The following KCTD8 variants were observed in gnomAD, a reference collection of about 807,000 sequenced individuals.
The protein encoded by KCTD8 is potassium channel tetramerization domain containing 8.
A neutral mutation model predicts 31.5 loss-of-function variants in KCTD8; 27 were observed. The ratio of observed to expected loss-of-function variants is 0.86; its 90% CI spans 0.63 to 1.18. The LOEUF (loss-of-function observed/expected upper bound fraction) is 1.18. Ranked by LOEUF, KCTD8 falls within the 50% of genes most tolerant of loss-of-function variation. The pLI, the probability that KCTD8 is intolerant of heterozygous loss-of-function variation, is 0.00. For missense variants in KCTD8, 658 were observed against 647.7 expected, an observed-to-expected ratio of 1.02 and a Z score of -0.17; for synonymous variants, 290 against 280.0, an observed-to-expected ratio of 1.04 and a Z score of -0.36.
chr4:44,434,350 A>T (rs1188900543), intron 1 of KCTD8, among the ~76,000 whole-genome samples: 1 of 151,910 alleles, frequency 6.6e-6, no homozygotes, highest in Non-Finnish European at 1.5e-5. Context: ...TATGCGTCAT[A>T]TCATTTAATC....
In KCTD8 at chr4:44,178,586, T is replaced by G. The variant is rs536525278; in HGVS notation, c.962-3336A>C. 2.6e-5 allele frequency among the ~76,000 whole-genome samples: 4 copies of G among 152,234 alleles called. No individual in the cohort carries two copies. The South Asian group carries it at 8.3e-4, about 32-fold the overall frequency. ...TGACTAAAGGATTAAACTGCAAATA[T>G]CTAAGCAAAGCAACTTACATTAAGG... On this transcript the variant is annotated intron_variant, in intron 1 of 1. Coordinates refer to ENST00000360029, the MANE Select transcript of KCTD8 (RefSeq NM_198353.3).
At chr4:44,264,546 G>A (rs1716279085) in intron 1 of KCTD8, among the ~76,000 whole-genome samples, 1 of 152,158 alleles carries the variant, frequency 6.6e-6, no homozygotes, top group Non-Finnish European at 1.5e-5. Context: ...AGGACAGCGG[G>A]TGCAGTGCAC....
intron 1 of KCTD8, among the ~76,000 whole-genome samples, chr4:44,216,460 C>G (rs1714655047): frequency 6.6e-6 from 1 of 151,862 alleles, no homozygotes; most frequent in Non-Finnish European, 1.5e-5. Context: ...AATCCAATAC[C>G]CTAACCTGAT....
At position 44,187,958 on chromosome 4, in the gene KCTD8, A is replaced by AACACACAC. The variant is rs143071896; in HGVS notation, c.962-12716_962-12709dup. Among the ~76,000 whole-genome samples, 1,057 of 144,648 alleles carry AACACACAC rather than the reference A, an allele frequency of 7.3e-3. 13 individuals are homozygous for AACACACAC. The highest frequency in any genetic ancestry group is 0.026 in the African/African-American group (1,019 of 39,372). 94.9% of individuals were successfully genotyped at this position (144,648 alleles called of 152,430 possible). ...GGAAGCAGAGGTTGTGGAAGAGGTA[A>AACACACAC]ACACACACACACACACACACACACA... On this transcript the variant is annotated intron_variant, in intron 1 of 1. Coordinates refer to ENST00000360029, the MANE Select transcript of KCTD8 (RefSeq NM_198353.3).
intron 1 of KCTD8, among the ~76,000 whole-genome samples, chr4:44,236,187 C>A (rs939484960): frequency 2.0e-5 from 3 of 152,188 alleles, no homozygotes; most frequent in Admixed American, 6.5e-5. Flanking sequence ...GGAAGAAATA[C>A]CCTCACCTCA....
intron 1 of KCTD8, among the ~76,000 whole-genome samples, chr4:44,215,635 G>A (rs1156483968): frequency 6.6e-6 from 1 of 152,120 alleles, no homozygotes; most frequent in African/African-American, 2.4e-5. Context: ...AAACTGCATG[G>A]AATTGATCAT....
At chr4:44,215,987 A>G (rs1392642482) in intron 1 of KCTD8, among the ~76,000 whole-genome samples, 1 of 152,220 alleles carries the variant, frequency 6.6e-6, no homozygotes, top group Non-Finnish European at 1.5e-5. Flanking sequence ...CACTGAAACC[A>G]AAAGGCACTT....
At chr4:44,301,228 A>G (rs1717610108) in intron 1 of KCTD8, among the ~76,000 whole-genome samples, 1 of 152,160 alleles carries the variant, frequency 6.6e-6, no homozygotes, top group South Asian at 2.1e-4. Context: ...TTGGGTATAT[A>G]CCCAGTAATG....
chr4:44,256,497 A>T (rs1311501545), intron 1 of KCTD8, among the ~76,000 whole-genome samples: 1 of 152,000 alleles, frequency 6.6e-6, no homozygotes, highest in Non-Finnish European at 1.5e-5. Flanking sequence ...TGTTTAAATT[A>T]TTCCACCAGT....
At chr4:44,219,617 C>T (rs901138528) in intron 1 of KCTD8, among the ~76,000 whole-genome samples, 3 of 152,024 alleles carry the variant, frequency 2.0e-5, no homozygotes, top group Non-Finnish European at 4.4e-5. Flanking sequence ...ATGATTCTAC[C>T]CTTAGTTGTA....
intron 1 of KCTD8, among the ~76,000 whole-genome samples, chr4:44,424,158 CA>C (rs548696921): frequency 1.2e-3 from 188 of 152,104 alleles, no homozygotes; most frequent in African/African-American, 4.2e-3. Flanking sequence ...AACGGGGTGA[CA>C]ATGTTTACCA....
At chr4:44,326,842 A>C (rs190447964) in intron 1 of KCTD8, among the ~76,000 whole-genome samples, 16 of 152,008 alleles carry the variant, frequency 1.1e-4, no homozygotes, top group African/African-American at 3.6e-4. Context: ...CATGAGTAAC[A>C]GGTATTCTGA....
intron 1 of KCTD8, among the ~76,000 whole-genome samples, chr4:44,247,765 A>C (rs2109359953): frequency 6.6e-6 from 1 of 151,846 alleles, no homozygotes; most frequent in South Asian, 2.1e-4. Context: ...TTGTCCTCCA[A>C]GTTCATTCAT....
intron 1 of KCTD8, among the ~76,000 whole-genome samples, chr4:44,181,137 C>G (rs1444026965): frequency 1.3e-5 from 2 of 151,460 alleles, no homozygotes; most frequent in Non-Finnish European, 3.0e-5. Context: ...AGTTTTAAAA[C>G]CTACTAGATC....
chr4:44,189,488 A>G (rs1713696346), intron 1 of KCTD8, among the ~76,000 whole-genome samples: 1 of 149,030 alleles, frequency 6.7e-6, no homozygotes. Flanking sequence ...CAATTATCAT[A>G]TCTAGTCAAA....
At chr4:44,196,997 C>T (rs2109337482) in intron 1 of KCTD8, among the ~76,000 whole-genome samples, 1 of 152,302 alleles carries the variant, frequency 6.6e-6, no homozygotes, top group Non-Finnish European at 1.5e-5. Context: ...GACTGAGCTG[C>T]TCCTAGCCAG....
intron 1 of KCTD8, among the ~76,000 whole-genome samples, chr4:44,180,582 T>TGCGCACACAC (rs200270284): frequency 4.8e-5 from 7 of 145,176 alleles, no homozygotes; most frequent in African/African-American, 1.8e-4. Context: ...TCAGTATACA[T>TGCGCACACAC]ACATGCACAC....
At chr4:44,363,105 A>T (rs1419607055) in intron 1 of KCTD8, among the ~76,000 whole-genome samples, 1 of 152,092 alleles carries the variant, frequency 6.6e-6, no homozygotes, top group Non-Finnish European at 1.5e-5. Flanking sequence ...GAGCTGGAGG[A>T]ATTAAACATA....
intron 1 of KCTD8, among the ~76,000 whole-genome samples, chr4:44,268,732 C>T (rs1425349640): frequency 1.3e-5 from 2 of 152,258 alleles, no homozygotes; most frequent in South Asian, 2.1e-4. Context: ...AAATCACAAA[C>T]GTTCTTATAC....
Sources: allele counts gnomAD v4.1 joint callset (sites outside exome capture counted in the v4.1 genomes callset), GRCh38; gene constraint gnomAD v4.1.1; transcripts MANE v1.5; gene names NCBI Gene and HGNC (gene_info 2026-07-23, HGNC 2026-07-21).